Variants in SPG11 observed in about 807,000 individuals in gnomAD.
SPG11 encodes spatacsin.
Under a neutral mutation model 274.0 loss-of-function variants are expected in SPG11, and 222 were observed. The observed-to-expected ratio is 0.81, with a 90% CI of 0.73 to 0.91. The LOEUF (loss-of-function observed/expected upper bound fraction) is 0.91. SPG11 is among the 40% of genes least tolerant of loss of function. The pLI, the probability that SPG11 is intolerant of heterozygous loss-of-function variation, is 0.00. For synonymous variants in SPG11, 1,144 were observed against 1,039.7 expected, an observed-to-expected ratio of 1.10 and a Z score of -1.93; for missense variants, 3,114 against 2,872.7, an observed-to-expected ratio of 1.08 and a Z score of -1.92.
Position 44,659,274 on chromosome 15 carries a change from A to G in SPG11, c.472T>C (p.Ser158Pro). The G allele has an allele frequency of 1.2e-6, 2 of 1,614,092 alleles. No individual in the cohort carries two copies. Among genetic ancestry groups the G allele is most frequent in the Non-Finnish European group, 1.7e-6 (2 of 1,179,898 alleles). Residue 158 changes from serine to proline, a missense_variant, in exon 3 of 40, where the codon TCA (serine) becomes CCA (proline). By Grantham distance (74) the Ser-to-Pro change is moderately conservative (BLOSUM62 -1). Transcript: ENST00000261866. ...AGTAATGATGTGTTATTGTGAAATG[A>G]CAGGATTCTCAAAGACAATAAGGAA... The part of the protein sequence containing the change: ...SISLLSLRIL[S>P]FHNNTSLLFI...
At chr15:44,622,029 A>G (rs2083767741) in intron 13 of SPG11, 95 bp from the exon 14 acceptor site, 1 of 1,189,128 alleles carries the variant, frequency 8.4e-7, no homozygotes, top group Non-Finnish European at 1.2e-6. Context: ...CTTTTGGGGA[A>G]CACATAATTC....
rs2083757420 is a variant in SPG11 at position 44,621,754 on chromosome 15, C to A, written c.2620+5G>T. 1.2e-6 allele frequency: 2 copies of A among 1,613,604 alleles called. No homozygotes were observed. Among genetic ancestry groups the A allele is most frequent in the African/African-American group, 2.7e-5 (2 of 74,904 alleles). ...TGTTCATATTTCAGGCTCTCTCACACTTGCCTTCTGGACTTATCCTGGGGA... is the reference window on the plus strand; with the variant it reads ...TGTTCATATTTCAGGCTCTCTCACAATTGCCTTCTGGACTTATCCTGGGGA... On this transcript the variant is annotated splice_donor_5th_base_variant and intron_variant, in intron 14 of 39. Coordinates refer to ENST00000261866, the MANE Select transcript of SPG11 (RefSeq NM_025137.4).
chr15:44,599,433 G>A (rs1293000408), intron 21 of SPG11, among the ~76,000 whole-genome samples: 3 of 152,066 alleles, frequency 2.0e-5, no homozygotes, highest in African/African-American at 4.8e-5. Context: ...CTGAGTAGCT[G>A]GGACTACAGG....
At chr15:44,586,973 T>C (rs1388033424) in intron 28 of SPG11, among the ~76,000 whole-genome samples, 1 of 152,224 alleles carries the variant, frequency 6.6e-6, no homozygotes, top group Non-Finnish European at 1.5e-5. Context: ...CTCTAAAATT[T>C]ATCTACTTAA....
chr15:44,656,989 T>C (rs2084958289), intron 4 of SPG11, 106 bp downstream of exon 4: 9 of 945,374 alleles, frequency 9.5e-6, no homozygotes, highest in Middle Eastern at 2.3e-4. Flanking sequence ...TCTAACTGAA[T>C]AGAAAAAGAA....
chr15:44,636,951 AAAAAAAC>A (rs2084289531), intron 7 of SPG11, among the ~76,000 whole-genome samples: 81 of 128,942 alleles, frequency 6.3e-4, no homozygotes, highest in Middle Eastern at 3.9e-3. Flanking sequence ...AAAAAAAAAA[AAAAAAAC>A]AAAAAAAAAA....
At chr15:44,619,916 G>A (rs1488386476) in intron 15 of SPG11, among the ~76,000 whole-genome samples, 1 of 151,910 alleles carries the variant, frequency 6.6e-6, no homozygotes. Context: ...GGGTTTCACC[G>A]TGTTGGCAAG....
intron 6 of SPG11, among the ~76,000 whole-genome samples, chr15:44,650,708 A>T (rs2084745994): frequency 6.6e-6 from 1 of 152,098 alleles, no homozygotes; most frequent in South Asian, 2.1e-4. Flanking sequence ...CCAACCCATA[A>T]GTTACTATGC....
intron 4 of SPG11, among the ~76,000 whole-genome samples, chr15:44,655,243 C>T (rs2084905064): frequency 6.6e-6 from 1 of 152,188 alleles, no homozygotes; most frequent in African/African-American, 2.4e-5. Flanking sequence ...GCCTGGACAA[C>T]ATAGCAAGAT....
chr15:44,661,877 T>C (rs2085118736), intron 1 of SPG11, among the ~76,000 whole-genome samples: 1 of 152,336 alleles, frequency 6.6e-6, no homozygotes, highest in South Asian at 2.1e-4. Flanking sequence ...CATGCCCTTA[T>C]TTTTAACCTA....
chr15:44,592,933 T>C (rs2082940011), intron 26 of SPG11, among the ~76,000 whole-genome samples: 1 of 151,258 alleles, frequency 6.6e-6, no homozygotes, highest in Non-Finnish European at 1.5e-5. Context: ...TAGCTGTAGC[T>C]ATGATCACAT....
Position 44,660,551 on chromosome 15 carries a change from C to T in SPG11, c.323G>A (p.Gly108Asp). Residue 108 changes from glycine to aspartate, a missense_variant, in exon 2 of 40, where the codon GGT (glycine) becomes GAT (aspartate). By Grantham distance (94) the Gly-to-Asp change is moderately conservative. Transcript: ENST00000261866. The part of the protein sequence containing the change: ...PTEKPKLLAL[G>D]ENYELLIYEF... ...ATAGATAAGCAGTTCATAATTTTCA[C>T]CAAGAGCGAGCAGTTTGGGCTTTTC... 1 of 1,614,164 alleles carries T rather than the reference C, an allele frequency of 6.2e-7. No individual in the cohort carries two copies. The highest frequency in any genetic ancestry group is 8.5e-7 in the Non-Finnish European group (1 of 1,180,030).
intron 20 of SPG11, among the ~76,000 whole-genome samples, chr15:44,602,061 G>A (rs959937708): frequency 2.6e-5 from 4 of 152,138 alleles, no homozygotes; most frequent in African/African-American, 9.7e-5. Flanking sequence ...TTTGTATGTT[G>A]ATTTAATATC....
In SPG11 at chr15:44,639,002, A is replaced by AAT. The variant is rs200569359; in HGVS notation, c.1603-5366_1603-5365insAT. Among the ~76,000 whole-genome samples the AAT allele has an allele frequency of 1.5e-3, 223 of 152,134 alleles. 4 individuals are homozygous for AAT. The East Asian group carries it at 0.036, about 25-fold the overall frequency. ...CAGAGTGAGACTGTCTCCAAAAAAA[A>AAT]AATAATAATAATAGTAACTATTATT... On this transcript the variant is annotated intron_variant, in intron 7 of 39. Coordinates refer to ENST00000261866, the MANE Select transcript of SPG11 (RefSeq NM_025137.4).
At chr15:44,575,245 A>G in intron 30 of SPG11, 1 of 597,954 alleles carries the variant, frequency 1.7e-6, no homozygotes, top group Non-Finnish European at 2.9e-6. Context: ...GATACTTCAA[A>G]GACCTCATAT....
chr15:44,646,514 T>G (rs1488010526), intron 7 of SPG11, among the ~76,000 whole-genome samples: 1 of 152,168 alleles, frequency 6.6e-6, no homozygotes, highest in African/African-American at 2.4e-5. Context: ...GCTCCCATGA[T>G]GCAATCACCT....
intron 21 of SPG11, among the ~76,000 whole-genome samples, chr15:44,599,811 G>T (rs1036501198): frequency 1.3e-5 from 2 of 151,942 alleles, no homozygotes; most frequent in African/African-American, 4.8e-5. Context: ...ATGAATAATT[G>T]AATTATTAAA....
intron 35 of SPG11, 43 bp downstream of exon 35, chr15:44,569,355 T>C: frequency 7.4e-7 from 1 of 1,353,672 alleles, no homozygotes; most frequent in African/African-American, 1.4e-5. Flanking sequence ...TCCTGAATTA[T>C]CAGCAGTACA....
At chr15:44,623,864 G>A (rs997460843) in intron 11 of SPG11, among the ~76,000 whole-genome samples, 8 of 151,994 alleles carry the variant, frequency 5.3e-5, no homozygotes, top group African/African-American at 1.7e-4. Flanking sequence ...GGGTTCAAAT[G>A]ATTCTTGTGC....
Sources: allele counts gnomAD v4.1 joint callset (sites outside exome capture counted in the v4.1 genomes callset), GRCh38; gene constraint gnomAD v4.1.1; transcripts MANE v1.5; gene names NCBI Gene and HGNC (gene_info 2026-07-23, HGNC 2026-07-21).